Variants in ANTXR1 observed in about 807,000 individuals in gnomAD.
ANTXR1 encodes the protein ANTXR cell adhesion molecule 1, also known as anthrax toxin receptor 1.
ANTXR1 carries 19 observed loss-of-function variants against 78.1 expected under a neutral mutation model. The observed-to-expected ratio is 0.24, with a 90% CI of 0.17 to 0.36. The LOEUF (loss-of-function observed/expected upper bound fraction) is 0.36, where lower values mean the gene tolerates loss of function less well. Ranked by LOEUF, ANTXR1 falls within the 10% of genes least tolerant of loss-of-function variation. ANTXR1 has a pLI of 1.00. For synonymous variants in ANTXR1, 273 were observed against 260.5 expected, an observed-to-expected ratio of 1.05 and a Z score of -0.46; for missense variants, 518 against 718.6, an observed-to-expected ratio of 0.72 and a Z score of 3.19.
chr2:69,023,322 T>C (rs1671248828), intron 1 of ANTXR1, among the ~76,000 whole-genome samples: 1 of 151,958 alleles, frequency 6.6e-6, no homozygotes, highest in South Asian at 2.1e-4. Context: ...GTGATGGTAG[T>C]GGTGATGGTG....
At chr2:69,086,103 A>G (rs572171485) in intron 8 of ANTXR1, among the ~76,000 whole-genome samples, 57 of 152,364 alleles carry the variant, frequency 3.7e-4, no homozygotes, top group South Asian at 3.5e-3. Context: ...TCCATTATAA[A>G]CACACAAAAA....
At chr2:69,194,906 A>G (rs1674633627) in intron 17 of ANTXR1, among the ~76,000 whole-genome samples, 1 of 152,122 alleles carries the variant, frequency 6.6e-6, no homozygotes. Context: ...GTGGTGTCTC[A>G]CACTGGTAAT....
intron 13 of ANTXR1, among the ~76,000 whole-genome samples, chr2:69,162,694 C>T (rs1673713817): frequency 6.6e-6 from 1 of 152,044 alleles, no homozygotes; most frequent in Non-Finnish European, 1.5e-5. Flanking sequence ...GAAGTCAGTC[C>T]CTGTCAGCAC....
chr2:69,162,533 CA>C (rs1264557731), intron 13 of ANTXR1, among the ~76,000 whole-genome samples: 2 of 152,272 alleles, frequency 1.3e-5, no homozygotes, highest in African/African-American at 4.8e-5. Flanking sequence ...TCCCTCAACC[CA>C]GGCCTCATAG....
chr2:69,167,773 T>C (rs1486018462), intron 13 of ANTXR1, among the ~76,000 whole-genome samples: 1 of 152,202 alleles, frequency 6.6e-6, no homozygotes, highest in African/African-American at 2.4e-5. Flanking sequence ...GTGGCATTTT[T>C]TCCAGAAGCT....
chr2:69,044,988 C>A (rs989036554), intron 3 of ANTXR1, among the ~76,000 whole-genome samples, 175 bp downstream of exon 3: 1 of 152,126 alleles, frequency 6.6e-6, no homozygotes, highest in African/African-American at 2.4e-5. Flanking sequence ...CTAGTTCACT[C>A]TTCAGTTACT....
At chr2:69,036,243 A>G (rs1313191148) in intron 1 of ANTXR1, among the ~76,000 whole-genome samples, 1 of 152,182 alleles carries the variant, frequency 6.6e-6, no homozygotes, top group Non-Finnish European at 1.5e-5. Flanking sequence ...CTATGGGTAC[A>G]TAGTGGATGT....
chr2:69,229,076 A>T (rs1383565612), intron 17 of ANTXR1, among the ~76,000 whole-genome samples: 1 of 152,092 alleles, frequency 6.6e-6, no homozygotes, highest in Non-Finnish European at 1.5e-5. Context: ...GACCAACCCC[A>T]TCATGAGGGA....
intron 12 of ANTXR1, among the ~76,000 whole-genome samples, chr2:69,144,720 A>G (rs1393569481): frequency 6.6e-6 from 1 of 152,236 alleles, no homozygotes; most frequent in African/African-American, 2.4e-5. Context: ...AATGCTTACA[A>G]GATAGTCTAA....
At chr2:69,023,131 A>G (rs1221452110) in intron 1 of ANTXR1, among the ~76,000 whole-genome samples, 1 of 152,230 alleles carries the variant, frequency 6.6e-6, no homozygotes, top group African/African-American at 2.4e-5. Flanking sequence ...ACCTTGGGCA[A>G]ATTATTTAGC....
At chr2:69,037,298 T>C (rs1669468255) in intron 1 of ANTXR1, among the ~76,000 whole-genome samples, 1 of 152,100 alleles carries the variant, frequency 6.6e-6, no homozygotes, top group South Asian at 2.1e-4. Context: ...AATAAACAGG[T>C]AATGCTTGGG....
intron 3 of ANTXR1, among the ~76,000 whole-genome samples, chr2:69,048,326 T>C (rs1023627000): frequency 6.6e-6 from 1 of 152,222 alleles, no homozygotes; most frequent in African/African-American, 2.4e-5. Context: ...TTTTAAATAT[T>C]GGATCATTCT....
intron 1 of ANTXR1, among the ~76,000 whole-genome samples, chr2:69,023,136 T>C (rs67957386): frequency 0.11 from 16,847 of 152,296 alleles, 991 homozygotes; most frequent in East Asian, 0.22. Flanking sequence ...GGGCAAATTA[T>C]TTAGCCTCTC....
intron 1 of ANTXR1, 67 bp from the exon 2 acceptor site, chr2:69,039,977 G>A: frequency 7.6e-7 from 1 of 1,318,992 alleles, no homozygotes; most frequent in Non-Finnish European, 1.1e-6. Context: ...AGAATGTGAA[G>A]ATAAATAATA....
intron 12 of ANTXR1, chr2:69,146,187 A>C: frequency 2.0e-6 from 2 of 985,348 alleles, no homozygotes; most frequent in Non-Finnish European, 2.4e-6. Flanking sequence ...AGCATTTGAC[A>C]AGACTTAAAA....
chr2:69,145,456 T>G, intron 12 of ANTXR1: 4 of 1,537,542 alleles, frequency 2.6e-6, no homozygotes, highest in Non-Finnish European at 3.5e-6. Flanking sequence ...CGGTTTACAC[T>G]TTCCTTATTT....
intron 1 of ANTXR1, among the ~76,000 whole-genome samples, chr2:69,025,242 A>G (rs1671307150): frequency 6.6e-6 from 1 of 152,144 alleles, no homozygotes; most frequent in Non-Finnish European, 1.5e-5. Flanking sequence ...TAAGAAAAAA[A>G]ATAATAATAA....
rs566127582 is a variant in ANTXR1, at chr2:69,175,433, C to T, written c.1089+5144C>T. 8.7e-5 allele frequency among the ~76,000 whole-genome samples: 13 copies of T among 149,874 alleles called. No individual in the cohort carries two copies. The South Asian group carries it at 1.5e-3, about 17-fold the overall frequency. On this transcript the variant is annotated intron_variant, in intron 14 of 17. Coordinates refer to ENST00000303714, the MANE Select transcript of ANTXR1 (RefSeq NM_032208.3). ...ACCAGCCTGGGTAACATAGGGAGAC[C>T]GCCCCCCGCCCCCGCCGCCGATATC...
chr2:69,217,293 A>C (rs1447146877), intron 17 of ANTXR1, among the ~76,000 whole-genome samples: 1 of 152,212 alleles, frequency 6.6e-6, no homozygotes, highest in Non-Finnish European at 1.5e-5. Flanking sequence ...TGTCCAGCTC[A>C]CACAAGTGGC....
Sources: gnomAD v4.1 joint callset for allele counts (sites outside exome capture counted in the v4.1 genomes callset) on GRCh38, gnomAD v4.1.1 for gene constraint, MANE v1.5 for transcripts, NCBI Gene and HGNC (gene_info 2026-07-23, HGNC 2026-07-21) for gene names.